LRRC37A: variants seen among roughly 807,000 people sequenced by gnomAD.
LRRC37A encodes leucine rich repeat containing 37A.
LRRC37A carries 3 observed loss-of-function variants against 35.4 expected under a neutral mutation model. The ratio of observed to expected loss-of-function variants is 0.08; its 90% CI spans 0.04 to 0.22. LRRC37A has a LOEUF of 0.22. Among genes scored for constraint, LRRC37A ranks in the 10% least tolerant of loss-of-function variants. The pLI is 1.00. For missense variants in LRRC37A, 67 were observed against 565.3 expected (o/e 0.12, Z 8.94); for synonymous variants, 23 against 215.0 (o/e 0.11, Z 7.81).
At chr17:46,269,270 A>G in the LRRC37A span, among the ~76,000 whole-genome samples, 1 of 152,274 alleles carries the variant, frequency 6.6e-6, no homozygotes, top group Non-Finnish European at 1.5e-5. Flanking sequence ...GCGGTGGCTC[A>G]CACCTGTAAT....
the LRRC37A span, among the ~76,000 whole-genome samples, chr17:46,254,738 A>C: frequency 6.7e-6 from 1 of 149,170 alleles, no homozygotes; most frequent in Non-Finnish European, 1.5e-5. Flanking sequence ...GCGGGGTTTC[A>C]CCATGTTGGC....
chr17:46,257,474 G>T, the LRRC37A span, among the ~76,000 whole-genome samples: 105,785 of 132,768 alleles, frequency 0.8, 43,141 homozygotes, highest in Non-Finnish European at 0.89. Context: ...AAAAAAAAAA[G>T]TAACACTTTG....
the LRRC37A span, among the ~76,000 whole-genome samples, chr17:46,253,003 C>T: frequency 5.2e-4 from 74 of 143,656 alleles, 2 homozygotes; most frequent in African/African-American, 2.0e-3. Flanking sequence ...GGGCGACTGC[C>T]GGGCGGAGGG....
chr17:46,255,890 T>C, the LRRC37A span, among the ~76,000 whole-genome samples: 1 of 150,630 alleles, frequency 6.6e-6, no homozygotes, highest in African/African-American at 2.4e-5. Flanking sequence ...TTAGCCAGGA[T>C]GGTCTCGATC....
the LRRC37A span, among the ~76,000 whole-genome samples, chr17:46,266,706 C>T: frequency 6.6e-6 from 1 of 152,258 alleles, no homozygotes; most frequent in Non-Finnish European, 1.5e-5. Flanking sequence ...AAAGTAAGAT[C>T]GGTGTAGTGC....
intron 5 of LRRC37A, among the ~76,000 whole-genome samples, chr17:46,308,799 A>C (rs1410139458): frequency 1.3e-5 from 1 of 76,218 alleles, no homozygotes; most frequent in African/African-American, 3.4e-5. Context: ...AAAAACAAAC[A>C]AAAAAAGAGG....
At chr17:46,264,373 T>G in the LRRC37A span, among the ~76,000 whole-genome samples, 1 of 152,250 alleles carries the variant, frequency 6.6e-6, no homozygotes, top group African/African-American at 2.4e-5. Flanking sequence ...AGTTGGTCTC[T>G]TGGGTTCTTC....
At chr17:46,268,548 C>T in the LRRC37A span, 10 of 1,484,172 alleles carry the variant, frequency 6.7e-6, no homozygotes, top group South Asian at 1.4e-5. Flanking sequence ...TAAGAGAGGG[C>T]AGCTTCCTAC....
At chr17:46,271,223 T>C in the LRRC37A span, among the ~76,000 whole-genome samples, 1 of 150,406 alleles carries the variant, frequency 6.6e-6, no homozygotes, top group African/African-American at 2.4e-5. Context: ...TGGAGTGTAA[T>C]GGCATGATGT....
the LRRC37A span, chr17:46,267,451 C>T: frequency 6.2e-6 from 10 of 1,613,008 alleles, no homozygotes; most frequent in African/African-American, 8.0e-5. Context: ...ACGTCTTCTT[C>T]TTCCGAGTCC....
At chr17:46,250,059 A>G in the LRRC37A span, among the ~76,000 whole-genome samples, 1 of 152,190 alleles carries the variant, frequency 6.6e-6, no homozygotes, top group African/African-American at 2.4e-5. Context: ...GGCCTCCCAA[A>G]GTGCTGGGAT....
upstream of LRRC37A, chr17:46,293,942 A>C (rs1218531133): frequency 8.5e-6 from 1 of 117,800 alleles, no homozygotes; most frequent in African/African-American, 2.7e-5. Flanking sequence ...GCTGAAGTGC[A>C]ATGTTGCGAT....
chr17:46,268,073 C>T, the LRRC37A span, among the ~76,000 whole-genome samples: 2 of 152,012 alleles, frequency 1.3e-5, no homozygotes, highest in Non-Finnish European at 2.9e-5. Flanking sequence ...GCCCCACTCC[C>T]ACATCTTTCT....
At chr17:46,251,141 CT>C in the LRRC37A span, among the ~76,000 whole-genome samples, 249 of 152,280 alleles carry the variant, frequency 1.6e-3, 1 homozygote, top group African/African-American at 5.8e-3. Context: ...GGTGAATTGT[CT>C]GTTTTATCCT....
chr17:46,267,890 CAT>C, the LRRC37A span, among the ~76,000 whole-genome samples: 2 of 133,980 alleles, frequency 1.5e-5, no homozygotes, highest in African/African-American at 2.8e-5. Flanking sequence ...CCCACTCCCA[CAT>C]CTTTTTTTTT....
chr17:46,271,164 CTTTTT>C, the LRRC37A span, among the ~76,000 whole-genome samples: 2 of 121,296 alleles, frequency 1.6e-5, no homozygotes, highest in African/African-American at 3.0e-5. Flanking sequence ...GTAATAGTTT[CTTTTT>C]TTTTTTTTTT....
In LRRC37A at chr17:46,332,541, T is replaced by G. The variant is rs778532109; in HGVS notation, c.4705-11T>G. The G allele has an allele frequency of 7.5e-5, 108 of 1,442,160 alleles. 2 individuals are homozygous for G. The East Asian group carries it at 1.2e-3, about 16-fold the overall frequency. 89.3% of individuals were successfully genotyped at this position (1,442,160 alleles called of 1,614,324 possible). A position where few individuals can be genotyped will look rare whatever the true frequency, so the allele number is the denominator to read the frequency against. On this transcript the variant is annotated splice_polypyrimidine_tract_variant and intron_variant, in intron 9 of 13. Transcript: ENST00000320254. ...TCATTCTGGTTTTTTTTTGTGTGTTTTTTTTTTTAGCTCAAAAAAGAAGTT... is the reference window on the plus strand; with the variant it reads ...TCATTCTGGTTTTTTTTTGTGTGTTGTTTTTTTTAGCTCAAAAAAGAAGTT...
chr17:46,291,685 T>C (rs1369970080), upstream of LRRC37A, among the ~76,000 whole-genome samples: 1 of 151,666 alleles, frequency 6.6e-6, no homozygotes, highest in Non-Finnish European at 1.5e-5. Flanking sequence ...CTTTGGGAAG[T>C]CGAGGAAGGA....
chr17:46,288,300 C>A (rs1414963741), upstream of LRRC37A, among the ~76,000 whole-genome samples: 1 of 149,468 alleles, frequency 6.7e-6, no homozygotes, highest in East Asian at 2.0e-4. Context: ...CACCACCAGG[C>A]CCGGCTTTTT....
Sources: allele counts gnomAD v4.1 joint callset (sites outside exome capture counted in the v4.1 genomes callset), GRCh38; gene constraint gnomAD v4.1.1; transcripts MANE v1.5; gene names NCBI Gene and HGNC (gene_info 2026-07-23, HGNC 2026-07-21).